The following FHIT variants were observed in gnomAD, a reference collection of about 807,000 sequenced individuals.
FHIT encodes bis(5'-adenosyl)-triphosphatase.
FHIT carries 19 observed loss-of-function variants against 17.9 expected under a neutral mutation model. The observed-to-expected ratio is 1.06, with a 90% CI of 0.74 to 1.56. The LOEUF is 1.56. Among genes scored for constraint, FHIT ranks in the 40% most tolerant of loss-of-function variants. The pLI, the probability that FHIT is intolerant of heterozygous loss-of-function variation, is 0.00. For synonymous variants in FHIT, 81 were observed against 69.7 expected (o/e 1.16, Z -0.81); for missense variants, 248 against 189.2 (o/e 1.31, Z -1.82).
At chr3:61,097,018 G>T (rs1236055251) in intron 2 of FHIT, among the ~76,000 whole-genome samples, 1 of 148,618 alleles carries the variant, frequency 6.7e-6, no homozygotes, top group Non-Finnish European at 1.5e-5. Context: ...GGGGGAGGCT[G>T]CTGTGAACTG....
rs1041022525 is a variant in FHIT at position 60,333,078 on chromosome 3, G to T, written c.103+203782C>A. On this transcript the variant is annotated intron_variant, in intron 5 of 9. Coordinates refer to ENST00000492590, the MANE Select transcript of FHIT (RefSeq NM_002012.4). ...ATGAAGGCTGCATTTCAATAACAAG[G>T]TTTGGGAGCCATTTACCAGCCACGT... Among the ~76,000 whole-genome samples the T allele has an allele frequency of 7.9e-5, 12 of 152,226 alleles. No individual in the cohort carries two copies. The South Asian group carries it at 1.0e-3, about 13-fold the overall frequency.
intron 5 of FHIT, among the ~76,000 whole-genome samples, chr3:60,130,784 G>GTGTATATATACACACATATATAT (rs148356992): frequency 1.3e-4 from 15 of 111,728 alleles, no homozygotes; most frequent in African/African-American, 4.1e-4. Context: ...GTGTGTGTGT[G>GTGTATATATACACACATATATAT]GTGTGTATAT....
intron 3 of FHIT, among the ~76,000 whole-genome samples, chr3:60,966,956 T>C (rs1284912629): frequency 6.6e-6 from 1 of 152,240 alleles, no homozygotes; most frequent in East Asian, 1.9e-4. Context: ...GTAGACGTAA[T>C]ACTTCTCTTT....
intron 8 of FHIT, among the ~76,000 whole-genome samples, chr3:59,804,559 C>A (rs1700121651): frequency 6.6e-6 from 1 of 152,196 alleles, no homozygotes; most frequent in Non-Finnish European, 1.5e-5. Flanking sequence ...GGCCCCGTTA[C>A]AGAATTTTTG....
At chr3:60,439,005 T>A (rs1172588371) in intron 5 of FHIT, among the ~76,000 whole-genome samples, 2 of 152,166 alleles carry the variant, frequency 1.3e-5, no homozygotes, top group Non-Finnish European at 2.9e-5. Context: ...ATTGCTTCCA[T>A]TACTTTTTTC....
chr3:59,847,277 T>A (rs1250106382), intron 8 of FHIT, among the ~76,000 whole-genome samples: 2 of 151,992 alleles, frequency 1.3e-5, no homozygotes, highest in Non-Finnish European at 2.9e-5. Flanking sequence ...TTCTTCAACT[T>A]TTTTTTTCTC....
chr3:60,194,421 T>C (rs1172847679), intron 5 of FHIT, among the ~76,000 whole-genome samples: 2 of 152,126 alleles, frequency 1.3e-5, no homozygotes, highest in Non-Finnish European at 2.9e-5. Flanking sequence ...TCTCTCATCA[T>C]ATACAAAAAT....
chr3:60,671,396 G>A (rs1191583773), intron 4 of FHIT, among the ~76,000 whole-genome samples: 2 of 152,010 alleles, frequency 1.3e-5, no homozygotes, highest in Non-Finnish European at 2.9e-5. Context: ...TTACAGAGTA[G>A]AGTTTCAAAA....
chr3:59,868,059 A>C (rs933788632), intron 8 of FHIT, among the ~76,000 whole-genome samples: 231 of 151,162 alleles, frequency 1.5e-3, no homozygotes, highest in Middle Eastern at 3.4e-3. Flanking sequence ...AAAAAAAAAA[A>C]AAAAAAACCT....
chr3:60,463,936 A>G (rs1023131034), intron 5 of FHIT, among the ~76,000 whole-genome samples: 10 of 152,334 alleles, frequency 6.6e-5, no homozygotes, highest in Non-Finnish European at 1.3e-4. Context: ...GAAAATAACA[A>G]CTACTTTGGC....
In FHIT at chr3:60,749,475, C is replaced by T. The variant is rs373757213; in HGVS notation, c.-18+72444G>A. Among the ~76,000 whole-genome samples the T allele has an allele frequency of 2.9e-4, 44 of 152,112 alleles. No homozygotes were observed. The South Asian group carries it at 6.8e-3, about 24-fold the overall frequency. ...ATGGAGGGAAAGGGTGGATTCAAGC[C>T]CTACTGTGAGAGAAGACACCAACAG... On this transcript the variant is annotated intron_variant, in intron 4 of 9. Transcript: ENST00000492590.
At chr3:60,205,637 A>G (rs2107503648) in intron 5 of FHIT, among the ~76,000 whole-genome samples, 1 of 152,314 alleles carries the variant, frequency 6.6e-6, no homozygotes, top group Middle Eastern at 3.4e-3. Flanking sequence ...GAGGTGGGTC[A>G]TGTGTACGGG....
intron 7 of FHIT, among the ~76,000 whole-genome samples, chr3:59,977,248 A>C (rs1228407471): frequency 6.6e-6 from 1 of 152,128 alleles, no homozygotes; most frequent in African/African-American, 2.4e-5. Flanking sequence ...CTTAGCCACT[A>C]GGCAAGTCCC....
At chr3:60,888,325 G>A (rs1237423828) in intron 3 of FHIT, among the ~76,000 whole-genome samples, 1 of 152,194 alleles carries the variant, frequency 6.6e-6, no homozygotes, top group East Asian at 1.9e-4. Context: ...TCAAAAGGCA[G>A]CAAGGTGGCG....
chr3:60,104,481 A>ATT (rs1490886510), intron 5 of FHIT, among the ~76,000 whole-genome samples: 3 of 38,020 alleles, frequency 7.9e-5, no homozygotes, highest in Non-Finnish European at 1.6e-4. Flanking sequence ...AGTGAATTAA[A>ATT]CTTTTTTTTT....
intron 5 of FHIT, among the ~76,000 whole-genome samples, chr3:60,037,572 G>C (rs1311639480): frequency 6.6e-6 from 1 of 151,886 alleles, no homozygotes; most frequent in Non-Finnish European, 1.5e-5. Flanking sequence ...AGTAGAGACA[G>C]GGTTTCACCA....
At position 60,614,809 on chromosome 3, in the gene FHIT, G is replaced by GTTTTT. The variant is rs147892145; in HGVS notation, c.-17-77835_-17-77831dup. On this transcript the variant is annotated intron_variant, in intron 4 of 9. Coordinates refer to ENST00000492590, the MANE Select transcript of FHIT (RefSeq NM_002012.4). ...CGATTTGTAAAAAATTGCAAAAGTT[G>GTTTTT]TTTTTTTTTTGTTTTTTTTTTGTTT... 1.4e-4 allele frequency among the ~76,000 whole-genome samples: 11 copies of GTTTTT among 78,224 alleles called. 4 individuals carry two copies. The highest frequency in any genetic ancestry group is 4.8e-5 in the Non-Finnish European group (2 of 41,872). The allele number at this position is 78,224 out of a possible 152,430, so 51.3% of individuals were successfully genotyped here.
At chr3:60,805,432 T>C (rs984112405) in intron 4 of FHIT, among the ~76,000 whole-genome samples, 1 of 152,214 alleles carries the variant, frequency 6.6e-6, no homozygotes, top group African/African-American at 2.4e-5. Context: ...TGGTCTTTCC[T>C]CTGTGTGCTT....
chr3:60,923,496 T>C (rs1707398767), intron 3 of FHIT, among the ~76,000 whole-genome samples: 1 of 152,330 alleles, frequency 6.6e-6, no homozygotes, highest in East Asian at 1.9e-4. Context: ...AAGCTGGTCC[T>C]CCTAATTGAT....
Sources: allele counts gnomAD v4.1 joint callset (sites outside exome capture counted in the v4.1 genomes callset), GRCh38; gene constraint gnomAD v4.1.1; transcripts MANE v1.5; gene names NCBI Gene and HGNC (gene_info 2026-07-23, HGNC 2026-07-21).